The following PLD5 variants were observed in gnomAD, a reference collection of about 807,000 sequenced individuals.
The protein encoded by PLD5 is phospholipase D family member 5.
A neutral mutation model predicts 61.1 loss-of-function variants in PLD5; 36 were observed. That is an observed-to-expected ratio of 0.59 (90% CI 0.45 to 0.78). PLD5 has a LOEUF of 0.78. Ranked by LOEUF, PLD5 falls within the 30% of genes least tolerant of loss-of-function variation. The pLI is 0.00. For synonymous variants in PLD5, 243 were observed against 242.8 expected, an observed-to-expected ratio of 1.00 and a Z score of -0.01; for missense variants, 515 against 644.4, an observed-to-expected ratio of 0.80 and a Z score of 2.17.
chr1:242,503,091 G>A (rs1668609833), intron 1 of PLD5, among the ~76,000 whole-genome samples: 1 of 152,032 alleles, frequency 6.6e-6, no homozygotes, highest in African/African-American at 2.4e-5. Flanking sequence ...TCCTGCGGAG[G>A]TCTGATTTCC....
intron 1 of PLD5, among the ~76,000 whole-genome samples, chr1:242,452,258 T>C (rs1005075908): frequency 1.3e-5 from 2 of 152,126 alleles, no homozygotes; most frequent in Non-Finnish European, 2.9e-5. Context: ...AACAAGGGAC[T>C]AGGAGGAAGG....
In PLD5 at chr1:242,493,437, G is replaced by A. The variant is rs561537186; in HGVS notation, c.189+30651C>T. On this transcript the variant is annotated intron_variant, in intron 1 of 9. Coordinates refer to ENST00000536534, the MANE Select transcript of PLD5 (RefSeq NM_001372062.1). ...GCACCGGGTTATGCTTCTGGACAGCGTCCATCCAAAGGGTCAGAGGGAAAT... is the reference window on the plus strand; with the variant it reads ...GCACCGGGTTATGCTTCTGGACAGCATCCATCCAAAGGGTCAGAGGGAAAT... 2.4e-4 allele frequency among the ~76,000 whole-genome samples: 37 copies of A among 152,302 alleles called. 1 individual carries two copies. In the South Asian group the frequency reaches 5.4e-3, roughly 22 times the overall value.
chr1:242,144,990 T>C (rs1664446805), intron 5 of PLD5, among the ~76,000 whole-genome samples: 1 of 152,168 alleles, frequency 6.6e-6, no homozygotes, highest in Non-Finnish European at 1.5e-5. Context: ...TTTATAAGTT[T>C]TCTATGTATT....
At chr1:242,305,929 AGAG>A (rs1231538901) in intron 2 of PLD5, among the ~76,000 whole-genome samples, 1 of 152,190 alleles carries the variant, frequency 6.6e-6, no homozygotes. Context: ...ACCAAGGTAG[AGAG>A]GAGAAGGTCC....
chr1:242,438,828 C>T (rs929700752), intron 1 of PLD5, among the ~76,000 whole-genome samples: 3 of 152,138 alleles, frequency 2.0e-5, no homozygotes, highest in African/African-American at 7.2e-5. Context: ...CTGTATCCTC[C>T]TTTAATTGAT....
At chr1:242,328,450 G>C (rs6662447) in intron 2 of PLD5, among the ~76,000 whole-genome samples, 149,306 of 152,282 alleles carry the variant, frequency 0.98, 73,246 homozygotes, top group Non-Finnish European at 1. Context: ...TACATGTGTT[G>C]TACATGTGTG....
chr1:242,295,606 A>T (rs2149149267), intron 2 of PLD5, among the ~76,000 whole-genome samples: 1 of 152,318 alleles, frequency 6.6e-6, no homozygotes, highest in African/African-American at 2.4e-5. Context: ...TAAACATACA[A>T]GTGCAAGTGT....
At chr1:242,210,082 A>G (rs1669704950) in intron 5 of PLD5, among the ~76,000 whole-genome samples, 1 of 152,220 alleles carries the variant, frequency 6.6e-6, no homozygotes, top group Admixed American at 6.5e-5. Context: ...GGCATGAGCT[A>G]CCATGCCCCA....
chr1:242,408,959 C>CG (rs1299393788), intron 1 of PLD5, among the ~76,000 whole-genome samples: 2 of 151,810 alleles, frequency 1.3e-5, no homozygotes, highest in Non-Finnish European at 2.9e-5. Context: ...CCCAGCTACT[C>CG]GGGAGGCTGA....
chr1:242,400,601 T>A (rs181424453), intron 1 of PLD5, among the ~76,000 whole-genome samples: 5 of 152,146 alleles, frequency 3.3e-5, no homozygotes, highest in Non-Finnish European at 5.9e-5. Context: ...ATCCCATACA[T>A]TGAAAGCTAT....
intron 1 of PLD5, among the ~76,000 whole-genome samples, chr1:242,348,761 C>T (rs1660283834): frequency 6.6e-6 from 1 of 152,126 alleles, no homozygotes; most frequent in Non-Finnish European, 1.5e-5. Flanking sequence ...AGACATAAAA[C>T]ATCAATCAAT....
At chr1:242,524,777 C>G (rs955688592), upstream of PLD5, 3 of 149,604 alleles carry the variant, frequency 2.0e-5, no homozygotes, top group Admixed American at 2.0e-4. Context: ...GCCCAGCCAG[C>G]CCGCGCCTGC....
intron 1 of PLD5, among the ~76,000 whole-genome samples, chr1:242,494,095 CCT>C (rs1668277873): frequency 1.2e-5 from 1 of 80,420 alleles, no homozygotes; most frequent in African/African-American, 5.0e-5. Context: ...CCTCCCTTCC[CCT>C]CTCCTCCCCT....
At chr1:242,143,872 T>C (rs1316642550) in intron 5 of PLD5, among the ~76,000 whole-genome samples, 1 of 151,802 alleles carries the variant, frequency 6.6e-6, no homozygotes, top group African/African-American at 2.4e-5. Flanking sequence ...GTCAGAGTCT[T>C]GATCTGTTGC....
chr1:242,338,683 T>G (rs1659666389), intron 2 of PLD5, among the ~76,000 whole-genome samples: 1 of 152,190 alleles, frequency 6.6e-6, no homozygotes, highest in East Asian at 1.9e-4. Context: ...AAACATTATT[T>G]TTAACATAAT....
At chr1:242,184,277 T>C (rs188221752) in intron 5 of PLD5, among the ~76,000 whole-genome samples, 63 of 152,328 alleles carry the variant, frequency 4.1e-4, no homozygotes, top group African/African-American at 1.5e-3. Context: ...AGGTTTGCCT[T>C]GAAGATTTGA....
At chr1:242,300,748 AGCGGGACAAGG>A (rs1675990369) in intron 2 of PLD5, among the ~76,000 whole-genome samples, 2 of 5,078 alleles carry the variant, frequency 3.9e-4, no homozygotes, top group South Asian at 0.016. Context: ...AATGGGTTGC[AGCGGGACAAGG>A]GTTGCAGCGG....
chr1:242,509,205 C>T (rs1447677067), intron 1 of PLD5, among the ~76,000 whole-genome samples: 1 of 152,012 alleles, frequency 6.6e-6, no homozygotes, highest in African/African-American at 2.4e-5. Context: ...GGTGAAACCC[C>T]ATCTCTACTA....
At chr1:242,452,229 A>G (rs115489473) in intron 1 of PLD5, among the ~76,000 whole-genome samples, 650 of 152,152 alleles carry the variant, frequency 4.3e-3, no homozygotes, top group Non-Finnish European at 7.0e-3. Context: ...TTTTTCAAAT[A>G]AGTTAACCTA....
Sources: gnomAD v4.1 joint callset for allele counts (sites outside exome capture counted in the v4.1 genomes callset) on GRCh38, gnomAD v4.1.1 for gene constraint, MANE v1.5 for transcripts, NCBI Gene and HGNC (gene_info 2026-07-23, HGNC 2026-07-21) for gene names.